The following FLOT1 variants were observed in gnomAD, a reference collection of about 807,000 sequenced individuals.
FLOT1 encodes flotillin-1.
Under a neutral mutation model 58.4 loss-of-function variants are expected in FLOT1, and 40 were observed. That is an observed-to-expected ratio of 0.69 (90% CI 0.53 to 0.89). The LOEUF (loss-of-function observed/expected upper bound fraction) is 0.89, where lower values mean the gene tolerates loss of function less well. FLOT1 is among the 40% of genes least tolerant of loss of function. The pLI is 0.00. For synonymous variants in FLOT1, 178 were observed against 204.2 expected, an observed-to-expected ratio of 0.87 and a Z score of 1.09; for missense variants, 423 against 540.8, an observed-to-expected ratio of 0.78 and a Z score of 2.16.
Position 30,741,097 on chromosome 6 carries a change from C to G in FLOT1, c.354+93G>C. ...CCACCCTGCCCGGCCGGGATGTATG[C>G]TCTTGGATCCACTGTCTCTCACAGA... On this transcript the variant is annotated intron_variant, in intron 5 of 12. Transcript: ENST00000376389. This position sits in a 1 kb window ranked among gnomAD's most constrained non-coding sequence, Gnocchi z 5.9. The G allele has an allele frequency of 1.4e-6, 2 of 1,472,880 alleles. No individual in the cohort carries two copies. Among genetic ancestry groups the G allele is most frequent in the Non-Finnish European group, 1.9e-6 (2 of 1,068,648 alleles). The allele number at this position is 1,472,880 out of a possible 1,614,324, so 91.2% of individuals were successfully genotyped here.
chr6:30,730,812 C>T, intron 9 of FLOT1, 85 bp from the exon 10 acceptor site: 1 of 1,605,922 alleles, frequency 6.2e-7, no homozygotes. Flanking sequence ...GCAGACGCTC[C>T]TGAAACCTGA....
Position 30,741,466 on chromosome 6 carries a change from G to T in FLOT1, c.211-133C>A. ...GGAAAGAAAGGAGGAGGAGGCAAGT[G>T]CCTTGGGGTGCCTGGAAAAGATGAG... On this transcript the variant is annotated intron_variant, in intron 4 of 12. Coordinates refer to ENST00000376389, the MANE Select transcript of FLOT1 (RefSeq NM_005803.4). This position sits in a 1 kb window ranked among gnomAD's most constrained non-coding sequence, Gnocchi z 5.9. 7.6e-7 allele frequency: 1 copy of T among 1,313,246 alleles called. No individual in the cohort carries two copies. Among genetic ancestry groups the T allele is most frequent in the Non-Finnish European group, 1.1e-6 (1 of 926,344 alleles). The allele number at this position is 1,313,246 out of a possible 1,614,324, so 81.3% of individuals were successfully genotyped here.
At chr6:30,732,341 G>C (rs1446546609) in intron 8 of FLOT1, among the ~76,000 whole-genome samples, 1 of 151,966 alleles carries the variant, frequency 6.6e-6, no homozygotes, top group Non-Finnish European at 1.5e-5. Flanking sequence ...GTGAGGAGAG[G>C]TGCCAGGCAA....
At chr6:30,728,394 G>A (rs1776890712) in intron 12 of FLOT1, among the ~76,000 whole-genome samples, 1 of 152,020 alleles carries the variant, frequency 6.6e-6, no homozygotes, top group Non-Finnish European at 1.5e-5. Flanking sequence ...TCTACTGCAG[G>A]CCTCCAGGAG....
At chr6:30,732,020 T>G (rs1271221600) in intron 8 of FLOT1, among the ~76,000 whole-genome samples, 1 of 152,164 alleles carries the variant, frequency 6.6e-6, no homozygotes, top group African/African-American at 2.4e-5. Flanking sequence ...CAGGCTGGAG[T>G]GCAGTGGCAC....
Position 30,741,704 on chromosome 6 carries a change from C to T in FLOT1, c.120G>A (p.Arg40=). ...TGAGGGTCAGTGTGTTGAGAGAGAT[C>T]CTAGGGGAAAAAGAAGGGACAGACA... ...FVLPCIQQIQ[R]ISLNTLTLNV... Residue 40 remains arginine (R), a splice_region_variant and synonymous_variant, in exon 4 of 13, where the codon AGG becomes AGA. Transcript: ENST00000376389. The surrounding 1 kb of genome is among the most constrained non-coding windows in gnomAD (Gnocchi z 5.9). 6.2e-7 allele frequency: 1 copy of T among 1,612,462 alleles called. No homozygotes were observed. Among genetic ancestry groups the T allele is most frequent in the Non-Finnish European group, 8.5e-7 (1 of 1,179,668 alleles).
At chr6:30,732,609 C>T (rs1777279458) in intron 8 of FLOT1, among the ~76,000 whole-genome samples, 1 of 152,174 alleles carries the variant, frequency 6.6e-6, no homozygotes, top group Non-Finnish European at 1.5e-5. Context: ...GCCTCGGCTT[C>T]CCAAAGTGTT....
At chr6:30,740,407 T>C (rs1777882963) in intron 7 of FLOT1, 89 bp downstream of exon 7, 1 of 1,589,440 alleles carries the variant, frequency 6.3e-7, no homozygotes, top group Non-Finnish European at 8.6e-7. Context: ...CTGCCTCATG[T>C]ATTTTCCCTG....
intron 8 of FLOT1, among the ~76,000 whole-genome samples, chr6:30,733,807 T>C (rs111455094): frequency 0.067 from 10,168 of 150,698 alleles, 761 homozygotes; most frequent in African/African-American, 0.18. Context: ...TCCCAGCACT[T>C]TGGGAGGCTA....
intron 5 of FLOT1, 46 bp from the exon 6 acceptor site, chr6:30,740,844 T>TG (rs780076990): frequency 1.0e-5 from 16 of 1,566,850 alleles, no homozygotes; most frequent in East Asian, 2.2e-5. Flanking sequence ...GTTTTTTTTT[T>TG]TTTTTTTTTT....
Position 30,742,005 on chromosome 6 carries a change from T to G in FLOT1, c.44-138A>C, listed in dbSNP as rs1778027207. ...GGAAGCAGTCTGGGCCTTGGAATGG[T>G]GGGAATCAAACTGGGCAGTTCGTGG... is the stretch of plus-strand genomic sequence containing the variant. On this transcript the variant is annotated intron_variant, in intron 2 of 12. Transcript: ENST00000376389. This position sits in a 1 kb window ranked among gnomAD's most constrained non-coding sequence, Gnocchi z 5.2. The G allele has an allele frequency of 8.4e-7, 1 of 1,184,534 alleles. No homozygotes were observed. The highest frequency in any genetic ancestry group is 1.2e-6 in the Non-Finnish European group (1 of 808,214). The allele number at this position is 1,184,534 out of a possible 1,614,324, so 73.4% of individuals were successfully genotyped here. A position where few individuals can be genotyped will look rare whatever the true frequency, so the allele number is the denominator to read the frequency against.
At chr6:30,731,532 C>T (rs1201220089) in intron 8 of FLOT1, among the ~76,000 whole-genome samples, 1 of 151,380 alleles carries the variant, frequency 6.6e-6, no homozygotes, top group Admixed American at 6.6e-5. Flanking sequence ...AGGTGGGTTC[C>T]CTCCTGTCTG....
chr6:30,729,452 GC>G (rs1024562912), intron 12 of FLOT1, among the ~76,000 whole-genome samples: 3 of 152,278 alleles, frequency 2.0e-5, no homozygotes, highest in African/African-American at 7.2e-5. Context: ...ATTTGCTCGA[GC>G]CCCTCAACAA....
chr6:30,734,045 T>TGA (rs1562182057), intron 8 of FLOT1, among the ~76,000 whole-genome samples: 1 of 59,926 alleles, frequency 1.7e-5, no homozygotes, highest in African/African-American at 6.6e-5. Flanking sequence ...ACCCTGTCTC[T>TGA]GAAAAAAAAA....
chr6:30,733,269 C>T (rs897595900), intron 8 of FLOT1, among the ~76,000 whole-genome samples: 1 of 152,092 alleles, frequency 6.6e-6, no homozygotes, highest in Non-Finnish European at 1.5e-5. Flanking sequence ...CTCCTTATCT[C>T]AGGTGATCCA....
At chr6:30,735,957 T>A (rs375925220) in intron 8 of FLOT1, among the ~76,000 whole-genome samples, 15 of 151,934 alleles carry the variant, frequency 9.9e-5, no homozygotes, top group African/African-American at 3.6e-4. Flanking sequence ...TTTTTTTTTT[T>A]AAAGCCTAGT....
At position 30,730,954 on chromosome 6, in the gene FLOT1, C is replaced by G; in HGVS notation, c.870G>C (p.Glu290Asp). The G allele has an allele frequency of 6.2e-7, 1 of 1,613,938 alleles. No individual in the cohort carries two copies. The highest frequency in any genetic ancestry group is 8.5e-7 in the Non-Finnish European group (1 of 1,179,920). The stretch of plus-strand genomic sequence containing the variant: ...CGGCTAGGCGCTCCAGCTTGTAGCG[C>G]TCCGCTTCCGCTGGCTTCCGCACCC... Reference protein sequence around the residue: ...EARVRKPAEAERYKLERLAEA... With the variant: ...EARVRKPAEADRYKLERLAEA... Residue 290 changes from glutamate to aspartate, a missense_variant, in exon 9 of 13, where the codon GAG (glutamate) becomes GAC (aspartate). Physicochemically the swap from Glu to Asp is conservative, Grantham distance 45. Transcript: ENST00000376389.
At chr6:30,734,603 G>T (rs1309007172) in intron 8 of FLOT1, among the ~76,000 whole-genome samples, 1 of 152,022 alleles carries the variant, frequency 6.6e-6, no homozygotes, top group Non-Finnish European at 1.5e-5. Flanking sequence ...CAACACCCCT[G>T]GCCCTGCTTG....
chr6:30,737,335 C>T lies in FLOT1; in HGVS notation c.723+2823G>A, dbSNP rs185156849. On this transcript the variant is annotated intron_variant, in intron 8 of 12. Transcript: ENST00000376389. The surrounding 1 kb of genome is among the most constrained non-coding windows in gnomAD (Gnocchi z 4.4). Reference sequence around the variant, plus strand: ...CTGGAGTGCGGTGGCGCAATCTCGGCTCACTGTGCCTTCTGGATTCAAGCG... The same window carrying T: ...CTGGAGTGCGGTGGCGCAATCTCGGTTCACTGTGCCTTCTGGATTCAAGCG... Among the ~76,000 whole-genome samples the T allele has an allele frequency of 6.6e-5, 10 of 152,172 alleles. No homozygotes were observed. The East Asian group carries it at 1.7e-3, about 27-fold the overall frequency.
Sources: allele counts gnomAD v4.1 joint callset (sites outside exome capture counted in the v4.1 genomes callset), GRCh38; gene constraint gnomAD v4.1.1; non-coding constraint Gnocchi (gnomAD v3.1); transcripts MANE v1.5; gene names NCBI Gene and HGNC (gene_info 2026-07-23, HGNC 2026-07-21).